The following RAB11FIP1 variants were observed in gnomAD, a reference collection of about 807,000 sequenced individuals.
RAB11FIP1 encodes the protein rab11 family-interacting protein 1.
RAB11FIP1 carries 49 observed loss-of-function variants against 83.1 expected under a neutral mutation model. The ratio of observed to expected loss-of-function variants is 0.59; its 90% CI spans 0.47 to 0.75. The LOEUF (loss-of-function observed/expected upper bound fraction) is 0.75, where lower values mean the gene tolerates loss of function less well. RAB11FIP1 is among the 30% of genes least tolerant of loss of function. RAB11FIP1 has a pLI of 0.00. For synonymous variants in RAB11FIP1, 670 were observed against 656.0 expected (o/e 1.02, Z -0.33); for missense variants, 1,536 against 1,598.7 (o/e 0.96, Z 0.67).
intron 5 of RAB11FIP1, among the ~76,000 whole-genome samples, chr8:37,868,787 G>A (rs1401512482): frequency 5.3e-5 from 8 of 152,140 alleles, no homozygotes; most frequent in Admixed American, 5.2e-4. Flanking sequence ...GTTTTGTGGG[G>A]AGTTGTTTTT....
intron 1 of RAB11FIP1, among the ~76,000 whole-genome samples, chr8:37,891,845 C>T (rs1235006512): frequency 6.6e-6 from 1 of 152,170 alleles, no homozygotes. Flanking sequence ...TGTGTGACAG[C>T]ACATCAATGA....
At chr8:37,874,425 C>T (rs2130150602) in intron 3 of RAB11FIP1, 90 bp downstream of exon 3, 4 of 1,021,748 alleles carry the variant, frequency 3.9e-6, no homozygotes, top group Non-Finnish European at 4.4e-6. Flanking sequence ...ACTATGATAT[C>T]ATGGGACCCA....
rs757315590 is a variant in RAB11FIP1 at position 37,871,727 on chromosome 8, C to T, written c.3075G>A (p.Glu1025=). ...CTTGCAGCCTGAAATCACACAGGCCCTCCCCCAGTACCAACCTATCTGCCT... is the reference window on the plus strand; with the variant it reads ...CTTGCAGCCTGAAATCACACAGGCCTTCCCCCAGTACCAACCTATCTGCCT... ...SGEADRLVLG[E]GLCDFRLQAP... is the part of the protein sequence containing the mutation. Residue 1025 remains glutamate, a synonymous_variant, in exon 4 of 6, where the codon GAG becomes GAA. Transcript: ENST00000330843. The T allele has an allele frequency of 6.2e-7, 1 of 1,613,618 alleles. No homozygotes were observed.
Position 37,899,304 on chromosome 8 carries a change from C to G in RAB11FIP1, c.138G>C (p.Gln46His). 3.1e-6 allele frequency: 5 copies of G among 1,609,972 alleles called. No individual in the cohort carries two copies. The highest frequency in any genetic ancestry group is 4.2e-6 in the Non-Finnish European group (5 of 1,178,906). The change falls in exon 1 of 6, where the codon CAG becomes CAC. Residue 46 changes from glutamine to histidine, a missense_variant. Coordinates refer to ENST00000330843, the MANE Select transcript of RAB11FIP1 (RefSeq NM_001002814.3). The surrounding 1 kb of genome is among the most constrained non-coding windows in gnomAD (Gnocchi z 4.5). Reference sequence around the variant, plus strand: ...AGGTGGCGTACTTCTCCTTGCCCACCTGGATCACCGCGTACGCGTCGCTCG... The same window carrying G: ...AGGTGGCGTACTTCTCCTTGCCCACGTGGATCACCGCGTACGCGTCGCTCG... ...GGTSDAYAVI[Q>H]VGKEKYATSV...
chr8:37,897,099 CA>C (rs1807104056), intron 1 of RAB11FIP1, among the ~76,000 whole-genome samples: 1 of 152,098 alleles, frequency 6.6e-6, no homozygotes, highest in Admixed American at 6.5e-5. Context: ...CCCTCCTTAG[CA>C]AAAACACTGC....
chr8:37,862,823 G>T lies in RAB11FIP1; in HGVS notation c.*72C>A. The T allele has an allele frequency of 8.1e-7, 1 of 1,240,506 alleles. No individual in the cohort carries two copies. The highest frequency in any genetic ancestry group is 1.2e-6 in the Non-Finnish European group (1 of 868,210). 76.8% of individuals were successfully genotyped at this position (1,240,506 alleles called of 1,614,324 possible). A position where few individuals can be genotyped will look rare whatever the true frequency, so the allele number is the denominator to read the frequency against. On this transcript the variant is annotated 3_prime_UTR_variant, in exon 6 of 6. Transcript: ENST00000330843. ...AGCCTGCTGGCTGGTTATCAGGCAA[G>T]GCAAGTCCTTGACCCCTGGAGCAGG... is the stretch of plus-strand genomic sequence containing the variant.
At chr8:37,890,810 C>T (rs956263389) in intron 1 of RAB11FIP1, among the ~76,000 whole-genome samples, 40 of 151,326 alleles carry the variant, frequency 2.6e-4, no homozygotes, top group African/African-American at 9.2e-4. Flanking sequence ...AGGGCACTGA[C>T]CACAAAGCCA....
intron 5 of RAB11FIP1, among the ~76,000 whole-genome samples, chr8:37,865,880 C>A (rs769338907): frequency 3.2e-4 from 49 of 152,218 alleles, no homozygotes; most frequent in Non-Finnish European, 6.5e-4. Flanking sequence ...TCTCTAAGTA[C>A]TTCCTTAAGA....
rs1403300640 is a variant in RAB11FIP1, at chr8:37,895,239, ATATATATATATATATATATATTTTTTTT to A, written c.371+3804_371+3831del. Among the ~76,000 whole-genome samples, 5 of 7,342 alleles carry A rather than the reference ATATATATATATATATATATATTTTTTTT, an allele frequency of 6.8e-4. No homozygotes were observed. In the South Asian group the frequency reaches 0.02, roughly 29 times the overall value. The allele number at this position is 7,342 out of a possible 152,430, so 4.8% of individuals were successfully genotyped here. On this transcript the variant is annotated intron_variant, in intron 1 of 5. Transcript: ENST00000330843. ...TGCCAATATATATATATATATATAT[ATATATATATATATATATATATTTTTTTT>A]TTTTTTTTTTTTTTTTTTTTTTTTT...
At chr8:37,889,100 C>A (rs1806895439) in intron 1 of RAB11FIP1, among the ~76,000 whole-genome samples, 1 of 152,096 alleles carries the variant, frequency 6.6e-6, no homozygotes. Flanking sequence ...CCCGGCTTTA[C>A]TTTCCGCAAC....
intron 5 of RAB11FIP1, among the ~76,000 whole-genome samples, chr8:37,865,247 C>T (rs1806319359): frequency 6.6e-6 from 1 of 151,710 alleles, no homozygotes; most frequent in Admixed American, 6.6e-5. Flanking sequence ...CAGAGGCTGA[C>T]ACCTGTAGGG....
chr8:37,873,127 C>T lies in RAB11FIP1; in HGVS notation c.1675G>A (p.Asp559Asn). ...QPTARLPSPT[D>N]SPSSLPPLPS... ...AGAGGAGGAAGAGAGGAAGGGGAGT[C>T]AGTAGGGGAAGGAAGCCTGGCTGTG... Residue 559 changes from aspartate to asparagine, a missense_variant, in exon 4 of 6, where the codon GAC becomes AAC. Transcript: ENST00000330843. The T allele has an allele frequency of 6.2e-7, 1 of 1,611,220 alleles. No homozygotes were observed. Among genetic ancestry groups the T allele is most frequent in the Non-Finnish European group, 8.5e-7 (1 of 1,179,408 alleles).
Position 37,877,233 on chromosome 8 carries a change from A to C in RAB11FIP1, c.690T>G (p.Pro230=), listed in dbSNP as rs1563370403. Residue 230 remains proline (P), a synonymous_variant, in exon 2 of 6, where the codon CCT becomes CCG. Transcript: ENST00000330843. ...LLSKSNLQKT[P]LSQSMSVLPT... ...GCAGGACAGACATGGACTGGGAAAG[A>C]GGCGTCTTCTGCAAATTTGACTTGG... The C allele has an allele frequency of 6.2e-7, 1 of 1,614,168 alleles. No individual in the cohort carries two copies. The highest frequency in any genetic ancestry group is 2.2e-5 in the East Asian group (1 of 44,876).
chr8:37,890,194 A>G (rs1240381549), intron 1 of RAB11FIP1, among the ~76,000 whole-genome samples: 1 of 152,208 alleles, frequency 6.6e-6, no homozygotes, highest in African/African-American at 2.4e-5. Context: ...GACTGAAGAA[A>G]CATCTGGGGC....
intron 1 of RAB11FIP1, among the ~76,000 whole-genome samples, chr8:37,888,575 C>T (rs1337011334): frequency 1.3e-5 from 2 of 151,914 alleles, no homozygotes; most frequent in African/African-American, 4.8e-5. Context: ...ACTTCCCAGG[C>T]TCAAGCAATC....
chr8:37,890,774 A>C (rs1195074256), intron 1 of RAB11FIP1, among the ~76,000 whole-genome samples: 5 of 124,574 alleles, frequency 4.0e-5, no homozygotes, highest in East Asian at 2.1e-4. Context: ...AAATTCTGCC[A>C]AAAAAAAAAA....
Position 37,874,613 on chromosome 8 carries a change from C to T in RAB11FIP1, c.1524G>A (p.Val508=), listed in dbSNP as rs1423040919. The change falls in exon 3 of 6, where the codon GTG becomes GTA. Residue 508 remains valine (V), a synonymous_variant. Coordinates refer to ENST00000330843, the MANE Select transcript of RAB11FIP1 (RefSeq NM_001002814.3). Reference sequence around the variant, plus strand: ...GCTCAGCTTCTGGTTCTGTGATCTGCACATCTTCAAAGAGGTTCAGGGAGC... The same window carrying T: ...GCTCAGCTTCTGGTTCTGTGATCTGTACATCTTCAAAGAGGTTCAGGGAGC... ...QGSSLNLFED[V]QITEPEAEPE... 6.2e-7 allele frequency: 1 copy of T among 1,614,034 alleles called. No individual in the cohort carries two copies. Among genetic ancestry groups the T allele is most frequent in the Non-Finnish European group, 8.5e-7 (1 of 1,180,006 alleles).
chr8:37,872,072 GA>G lies in RAB11FIP1; in HGVS notation c.2729del (p.Leu910ProfsTer11), dbSNP rs1448271772. 9 of 1,613,978 alleles carry G rather than the reference GA, an allele frequency of 5.6e-6. No individual in the cohort carries two copies. Among genetic ancestry groups the G allele is most frequent in the Non-Finnish European group, 7.6e-6 (9 of 1,180,024 alleles). ...GGGCATCCTCTCCCTCCATCCTAAAGAGTGGAGTGTCTTTCGCTGAGCTTGC... is the reference window on the plus strand; with the variant it reads ...GGGCATCCTCTCCCTCCATCCTAAAGGTGGAGTGTCTTTCGCTGAGCTTGC... ...SEASSAKDTP[L>X]FRMEGEDALV... is the part of the protein sequence containing the mutation. On this transcript the variant is annotated frameshift_variant, in exon 4 of 6. Transcript: ENST00000330843. LOFTEE classifies it high-confidence loss of function.
Position 37,862,714 on chromosome 8 carries a change from A to G in RAB11FIP1, c.*181T>C. 1.7e-6 allele frequency: 1 copy of G among 584,686 alleles called. No individual in the cohort carries two copies. Among genetic ancestry groups the G allele is most frequent in the Non-Finnish European group, 3.1e-6 (1 of 327,400 alleles). The allele number at this position is 584,686 out of a possible 1,614,324, so 36.2% of individuals were successfully genotyped here. ...ACTAAAGCCTTGGGAATGTACAGTA[A>G]AAGATTAATTGTAATCATTAACCTG... On this transcript the variant is annotated 3_prime_UTR_variant, in exon 6 of 6. Coordinates refer to ENST00000330843, the MANE Select transcript of RAB11FIP1 (RefSeq NM_001002814.3).
Sources: gnomAD v4.1 joint callset for allele counts (sites outside exome capture counted in the v4.1 genomes callset) on GRCh38, gnomAD v4.1.1 for gene constraint, Gnocchi (gnomAD v3.1) non-coding constraint, MANE v1.5 for transcripts, NCBI Gene and HGNC (gene_info 2026-07-23, HGNC 2026-07-21) for gene names.